SLC44A5: variants seen among roughly 807,000 people sequenced by gnomAD.
SLC44A5 encodes solute carrier family 44 member 5.
SLC44A5 carries 57 observed loss-of-function variants against 101.8 expected under a neutral mutation model. That is an observed-to-expected ratio of 0.56 (90% CI 0.45 to 0.70). The LOEUF (loss-of-function observed/expected upper bound fraction) is 0.70. Among genes scored for constraint, SLC44A5 ranks in the 30% least tolerant of loss-of-function variants. The pLI, the probability that SLC44A5 is intolerant of heterozygous loss-of-function variation, is 0.00. For synonymous variants in SLC44A5, 281 were observed against 290.9 expected, an observed-to-expected ratio of 0.97 and a Z score of 0.35; for missense variants, 737 against 853.1, an observed-to-expected ratio of 0.86 and a Z score of 1.70.
At chr1:75,255,185 C>A (rs1343528336) in intron 6 of SLC44A5, among the ~76,000 whole-genome samples, 1 of 152,086 alleles carries the variant, frequency 6.6e-6, no homozygotes, top group Non-Finnish European at 1.5e-5. Flanking sequence ...CCAAACCACC[C>A]AGTCCTTTTT....
the SLC44A5 span, among the ~76,000 whole-genome samples, chr1:75,661,759 TAATAGTCAGGAAAATGCA>T: frequency 6.6e-6 from 1 of 152,092 alleles, no homozygotes; most frequent in Non-Finnish European, 1.5e-5. Context: ...TAAACATCAC[TAATAGTCAGGAAAATGCA>T]AATCAAAATC....
At chr1:75,650,853 T>G in the SLC44A5 span, among the ~76,000 whole-genome samples, 1 of 152,202 alleles carries the variant, frequency 6.6e-6, no homozygotes, top group Non-Finnish European at 1.5e-5. Flanking sequence ...TTCAGCCTTC[T>G]GAAGTGTTGA....
intron 2 of SLC44A5, among the ~76,000 whole-genome samples, chr1:75,486,075 T>C (rs755905602): frequency 6.6e-6 from 1 of 152,164 alleles, no homozygotes; most frequent in African/African-American, 2.4e-5. Flanking sequence ...TAAAGTTACA[T>C]AAACTTATTT....
chr1:75,347,685 A>AGTGTGTGTGTGTGTGT (rs10677527), intron 3 of SLC44A5, among the ~76,000 whole-genome samples: 36 of 147,944 alleles, frequency 2.4e-4, no homozygotes, highest in African/African-American at 8.4e-4. Context: ...AGTGGTGGTG[A>AGTGTGTGTGTGTGTGT]GTGTGTGTGT....
At chr1:75,528,399 A>G (rs1286407575) in intron 2 of SLC44A5, among the ~76,000 whole-genome samples, 1 of 152,244 alleles carries the variant, frequency 6.6e-6, no homozygotes, top group Non-Finnish European at 1.5e-5. Context: ...GAAATATAAT[A>G]TGGGAAACAT....
chr1:75,550,007 G>A (rs546906726), intron 1 of SLC44A5, among the ~76,000 whole-genome samples: 1 of 152,184 alleles, frequency 6.6e-6, no homozygotes, highest in South Asian at 2.1e-4. Flanking sequence ...AAATATAATT[G>A]TAATGAGAGG....
chr1:75,351,587 C>T (rs1040303113), intron 3 of SLC44A5, among the ~76,000 whole-genome samples: 3 of 151,856 alleles, frequency 2.0e-5, no homozygotes, highest in African/African-American at 7.3e-5. Flanking sequence ...GGCTTTCTTC[C>T]TTCTATTACA....
At chr1:75,596,122 TG>T (rs1674617236) in intron 1 of SLC44A5, among the ~76,000 whole-genome samples, 1 of 152,140 alleles carries the variant, frequency 6.6e-6, no homozygotes, top group Non-Finnish European at 1.5e-5. Context: ...TTTTCTTTCA[TG>T]GGCCCACACT....
chr1:75,596,996 G>A (rs1347047673), intron 1 of SLC44A5, among the ~76,000 whole-genome samples: 1 of 151,932 alleles, frequency 6.6e-6, no homozygotes, highest in Non-Finnish European at 1.5e-5. Flanking sequence ...GACCAGCCTG[G>A]GCAACATGGC....
chr1:75,208,541 A>G (rs889840634), intron 23 of SLC44A5, among the ~76,000 whole-genome samples: 2 of 152,188 alleles, frequency 1.3e-5, no homozygotes, highest in Admixed American at 1.3e-4. Flanking sequence ...TGCAAAAGTT[A>G]TGGCCACAGT....
At chr1:75,349,954 G>A (rs1483032115) in intron 3 of SLC44A5, among the ~76,000 whole-genome samples, 2 of 152,024 alleles carry the variant, frequency 1.3e-5, no homozygotes, top group African/African-American at 4.8e-5. Flanking sequence ...CTATAATCAG[G>A]TAAGAAAGAA....
chr1:75,534,625 A>T (rs2101929235), intron 2 of SLC44A5, among the ~76,000 whole-genome samples: 1 of 152,362 alleles, frequency 6.6e-6, no homozygotes, highest in East Asian at 1.9e-4. Context: ...GACAAAACAG[A>T]TTATTCTAAT....
chr1:75,316,515 A>G (rs1655700745), intron 4 of SLC44A5, among the ~76,000 whole-genome samples: 1 of 152,188 alleles, frequency 6.6e-6, no homozygotes, highest in South Asian at 2.1e-4. Context: ...TGTTCTAATT[A>G]TTTGTACCTA....
At chr1:75,568,869 C>T (rs985387017) in intron 1 of SLC44A5, among the ~76,000 whole-genome samples, 5 of 152,188 alleles carry the variant, frequency 3.3e-5, no homozygotes, top group Non-Finnish European at 7.3e-5. Flanking sequence ...ATCCAAATTC[C>T]TGATTATATG....
At chr1:75,203,948 T>TTG (rs764211449) in intron 23 of SLC44A5, 115 bp from the exon 24 acceptor site, 21,169 of 1,304,682 alleles carry the variant, frequency 0.016, 299 homozygotes, top group African/African-American at 0.027. Context: ...TTGTTTTTTT[T>TTG]TTGTTGTTGT....
the SLC44A5 span, among the ~76,000 whole-genome samples, chr1:75,671,743 C>T: frequency 6.6e-6 from 1 of 152,186 alleles, no homozygotes; most frequent in Non-Finnish European, 1.5e-5. Flanking sequence ...GCGAAGCTCT[C>T]AAGCACAGAA....
At chr1:75,206,771 T>C (rs1646757067) in intron 23 of SLC44A5, 1 of 1,013,020 alleles carries the variant, frequency 9.9e-7, no homozygotes, top group African/African-American at 1.6e-5. Context: ...AGAACAATTA[T>C]ACACATTTTT....
chr1:75,667,511 AT>A, the SLC44A5 span, among the ~76,000 whole-genome samples: 1 of 152,218 alleles, frequency 6.6e-6, no homozygotes, highest in Non-Finnish European at 1.5e-5. Flanking sequence ...GCCCAAAGTA[AT>A]TTATAGATTC....
chr1:75,332,117 C>T (rs1035705922), intron 4 of SLC44A5, among the ~76,000 whole-genome samples: 2 of 152,112 alleles, frequency 1.3e-5, no homozygotes, highest in Admixed American at 6.5e-5. Context: ...AATAGATGCC[C>T]ATGAATGCAC....
Sources: gnomAD v4.1 joint callset for allele counts (sites outside exome capture counted in the v4.1 genomes callset) on GRCh38, gnomAD v4.1.1 for gene constraint, MANE v1.5 for transcripts, NCBI Gene and HGNC (gene_info 2026-07-23, HGNC 2026-07-21) for gene names.